SEC14L1: variants seen among roughly 807,000 people sequenced by gnomAD.
SEC14L1 encodes SEC14 like lipid binding 1.
SEC14L1 carries 48 observed loss-of-function variants against 85.3 expected under a neutral mutation model. That is an observed-to-expected ratio of 0.56 (90% CI 0.45 to 0.72). The LOEUF (loss-of-function observed/expected upper bound fraction) is 0.72. Among genes scored for constraint, SEC14L1 ranks in the 30% least tolerant of loss-of-function variants. The pLI, the probability that SEC14L1 is intolerant of heterozygous loss-of-function variation, is 0.00. For missense variants in SEC14L1, 682 were observed against 921.4 expected (o/e 0.74, Z 3.36); for synonymous variants, 391 against 355.5 (o/e 1.10, Z -1.12).
intron 3 of SEC14L1, chr17:77,099,078 C>G (rs1971709151): frequency 6.6e-6 from 1 of 152,012 alleles, no homozygotes; most frequent in African/African-American, 2.4e-5. Flanking sequence ...ATGAAAGGAG[C>G]CCCGTGTAAG....
chr17:77,142,922 C>T (rs1394796828), intron 2 of SEC14L1, among the ~76,000 whole-genome samples, 172 bp downstream of exon 2: 1 of 152,218 alleles, frequency 6.6e-6, no homozygotes, highest in Non-Finnish European at 1.5e-5. Context: ...CGATTACTTA[C>T]GGATATTAGC....
chr17:77,215,658 G>C lies in SEC14L1; in HGVS notation c.*1635G>C, dbSNP rs890436654. ...CTGCCTTTGGACCACATTTGTGTTT[G>C]CTCTTAGAGATCGAGCTCCTCAGTG... On this transcript the variant is annotated 3_prime_UTR_variant, in exon 17 of 17. Transcript: ENST00000436233. The C allele has an allele frequency of 1.1e-5, 11 of 991,604 alleles. No individual in the cohort carries two copies. The African/African-American group carries it at 1.9e-4, about 17-fold the overall frequency. 61.4% of individuals were successfully genotyped at this position (991,604 alleles called of 1,614,324 possible).
intron 3 of SEC14L1, among the ~76,000 whole-genome samples, chr17:77,104,832 G>A (rs1459349468): frequency 6.7e-6 from 1 of 150,016 alleles, no homozygotes; most frequent in Non-Finnish European, 1.5e-5. Flanking sequence ...GTGTGTGTGT[G>A]TGTCAAGGTT....
At chr17:77,097,556 C>G (rs1971675332) in intron 3 of SEC14L1, among the ~76,000 whole-genome samples, 1 of 149,654 alleles carries the variant, frequency 6.7e-6, no homozygotes, top group South Asian at 2.1e-4. Flanking sequence ...GAGCAAGACT[C>G]CATCTCAAGA....
At chr17:77,138,824 GAA>G (rs111424590), upstream of SEC14L1, among the ~76,000 whole-genome samples, 4 of 147,898 alleles carry the variant, frequency 2.7e-5, no homozygotes, top group African/African-American at 9.9e-5. Context: ...ACTGTTTCAA[GAA>G]AAAAAAAATG....
At chr17:77,200,034 C>T (rs2678769) in intron 8 of SEC14L1, among the ~76,000 whole-genome samples, 53,305 of 151,914 alleles carry the variant, frequency 0.35, 9,675 homozygotes, top group South Asian at 0.43. Flanking sequence ...GGCGTGGTGG[C>T]GTGTGCCTGT....
chr17:77,204,362 C>T lies in SEC14L1; in HGVS notation c.1098+704C>T, dbSNP rs1168912366. On this transcript the variant is annotated intron_variant, in intron 10 of 16. Coordinates refer to ENST00000436233, the MANE Select transcript of SEC14L1 (RefSeq NM_001143998.2). Reference sequence around the variant, plus strand: ...CCTCCTGAGTAGCTGGGATTTCAGGCACCCGCCACCATGCCCAGCTAATTT... The same window carrying T: ...CCTCCTGAGTAGCTGGGATTTCAGGTACCCGCCACCATGCCCAGCTAATTT... 2.6e-5 allele frequency among the ~76,000 whole-genome samples: 4 copies of T among 151,922 alleles called. No homozygotes were observed. The South Asian group carries it at 6.3e-4, about 24-fold the overall frequency.
intron 10 of SEC14L1, among the ~76,000 whole-genome samples, chr17:77,204,822 T>C (rs958260069): frequency 1.3e-5 from 2 of 152,212 alleles, no homozygotes; most frequent in Admixed American, 6.5e-5. Context: ...GGATGGACTT[T>C]ATCTACAGGG....
intron 3 of SEC14L1, among the ~76,000 whole-genome samples, chr17:77,097,218 T>C (rs1249419863): frequency 6.6e-6 from 1 of 152,206 alleles, no homozygotes; most frequent in Admixed American, 6.5e-5. Flanking sequence ...AACTTGAAAT[T>C]GACAGGTACT....
intron 3 of SEC14L1, among the ~76,000 whole-genome samples, chr17:77,166,512 A>G (rs1406394669): frequency 3.9e-5 from 6 of 152,178 alleles, no homozygotes; most frequent in Non-Finnish European, 8.8e-5. Context: ...TTCTCATTTT[A>G]AAATGGGAGA....
At position 77,190,959 on chromosome 17, in the gene SEC14L1, G is replaced by T. The variant is rs1265579338; in HGVS notation, c.213+7G>T. 3 of 1,613,716 alleles carry T rather than the reference G, an allele frequency of 1.9e-6. No individual in the cohort carries two copies. The highest frequency in any genetic ancestry group is 2.5e-6 in the Non-Finnish European group (3 of 1,179,806). On this transcript the variant is annotated splice_region_variant and intron_variant, in intron 4 of 16. Coordinates refer to ENST00000436233, the MANE Select transcript of SEC14L1 (RefSeq NM_001143998.2). Reference sequence around the variant, plus strand: ...ACCCAGACTGCTGAAGAAGGTAAAGGTCGGAAAGGACGTCTTGGAGGGAAA... The same window carrying T: ...ACCCAGACTGCTGAAGAAGGTAAAGTTCGGAAAGGACGTCTTGGAGGGAAA...
rs115283478 is a variant in SEC14L1, at chr17:77,214,166, C to T, written c.*143C>T. 1,222 of 1,425,556 alleles carry T rather than the reference C, an allele frequency of 8.6e-4. 6 individuals are homozygous for T. In the African/African-American group the frequency reaches 0.014, roughly 17 times the overall value. The allele number at this position is 1,425,556 out of a possible 1,614,324, so 88.3% of individuals were successfully genotyped here. A position where few individuals can be genotyped will look rare whatever the true frequency, so the allele number is the denominator to read the frequency against. ...ATAGCTCTCAGATGGTAAACGTAGT[C>T]GTTTGATCCCAAAACTACCTTGGCA... On this transcript the variant is annotated 3_prime_UTR_variant, in exon 17 of 17. Coordinates refer to ENST00000436233, the MANE Select transcript of SEC14L1 (RefSeq NM_001143998.2).
chr17:77,097,748 G>T (rs563967095), intron 3 of SEC14L1, among the ~76,000 whole-genome samples: 1 of 152,008 alleles, frequency 6.6e-6, no homozygotes, highest in Non-Finnish European at 1.5e-5. Flanking sequence ...AACAAGTATT[G>T]CTGGATATGT....
At chr17:77,194,130 A>C (rs901899817) in intron 6 of SEC14L1, among the ~76,000 whole-genome samples, 5 of 152,254 alleles carry the variant, frequency 3.3e-5, no homozygotes, top group Admixed American at 3.3e-4. Context: ...TCATATAAAA[A>C]TTCCATCTCA....
intron 8 of SEC14L1, chr17:77,198,900 T>TAA (rs1330767059): frequency 1.3e-5 from 2 of 152,058 alleles, no homozygotes; most frequent in African/African-American, 4.8e-5. Context: ...TGATATGCAT[T>TAA]AAAAAGTCAT....
intron 3 of SEC14L1, among the ~76,000 whole-genome samples, chr17:77,122,064 A>G (rs1042140369): frequency 6.6e-6 from 1 of 152,170 alleles, no homozygotes; most frequent in Admixed American, 6.5e-5. Context: ...AATAGATGAC[A>G]AACTACCGAG....
At position 77,190,844 on chromosome 17, in the gene SEC14L1, G is replaced by A; in HGVS notation, c.105G>A (p.Met35Ile). ...TCCCTACATGTCCTTTGATTCCGAT[G>A]TTCGTGGGCAGTGACACTGTGAATG... ...RRFPTCPLIP[M>I]FVGSDTVNEF... Residue 35 changes from methionine to isoleucine, a missense_variant, in exon 4 of 17, where the codon ATG becomes ATA. Coordinates refer to ENST00000436233, the MANE Select transcript of SEC14L1 (RefSeq NM_001143998.2). 1 of 1,614,228 alleles carries A rather than the reference G, an allele frequency of 6.2e-7. No individual in the cohort carries two copies. Among genetic ancestry groups the A allele is most frequent in the Non-Finnish European group, 8.5e-7 (1 of 1,180,034 alleles).
At chr17:77,136,381 CTCCT>C (rs1972802344), upstream of SEC14L1, among the ~76,000 whole-genome samples, 1 of 149,826 alleles carries the variant, frequency 6.7e-6, no homozygotes, top group African/African-American at 2.5e-5. Flanking sequence ...TCTTTCCTTC[CTCCT>C]TCTTTCTTTT....
At chr17:77,167,742 G>A (rs1253781227) in intron 3 of SEC14L1, among the ~76,000 whole-genome samples, 1 of 152,206 alleles carries the variant, frequency 6.6e-6, no homozygotes, top group African/African-American at 2.4e-5. Flanking sequence ...AGCAAGGCGG[G>A]AAGTTTTATT....
Sources: gnomAD v4.1 joint callset for allele counts (sites outside exome capture counted in the v4.1 genomes callset) on GRCh38, gnomAD v4.1.1 for gene constraint, MANE v1.5 for transcripts, NCBI Gene and HGNC (gene_info 2026-07-23, HGNC 2026-07-21) for gene names.